The following PRKG1 variants were observed in gnomAD, a reference collection of about 807,000 sequenced individuals.
PRKG1 encodes the protein cGMP-dependent protein kinase 1.
A neutral mutation model predicts 88.1 loss-of-function variants in PRKG1; 35 were observed. The observed-to-expected ratio is 0.40, with a 90% CI of 0.30 to 0.53. The LOEUF (loss-of-function observed/expected upper bound fraction) is 0.53, where lower values mean the gene tolerates loss of function less well. Among genes scored for constraint, PRKG1 ranks in the 20% least tolerant of loss-of-function variants. The pLI is 0.59. For missense variants in PRKG1, 540 were observed against 839.8 expected (o/e 0.64, Z 4.41); for synonymous variants, 303 against 292.5 (o/e 1.04, Z -0.37).
At chr10:51,225,108 C>T (rs1838655799) in intron 2 of PRKG1, among the ~76,000 whole-genome samples, 1 of 152,182 alleles carries the variant, frequency 6.6e-6, no homozygotes, top group African/African-American at 2.4e-5. Context: ...TTATAAACAA[C>T]AGAAATTTAT....
At chr10:51,542,951 T>TG (rs1224431430) in intron 3 of PRKG1, among the ~76,000 whole-genome samples, 2 of 152,172 alleles carry the variant, frequency 1.3e-5, no homozygotes, top group African/African-American at 4.8e-5. Flanking sequence ...CATAGGAACG[T>TG]GGGGGACATT....
chr10:52,109,537 T>G (rs536932709), intron 7 of PRKG1, among the ~76,000 whole-genome samples: 1 of 152,020 alleles, frequency 6.6e-6, no homozygotes, highest in South Asian at 2.1e-4. Flanking sequence ...GAGGCCGAGG[T>G]GGGCAGATCA....
intron 5 of PRKG1, among the ~76,000 whole-genome samples, chr10:52,043,435 G>A (rs553584790): frequency 6.6e-6 from 1 of 152,080 alleles, no homozygotes; most frequent in Non-Finnish European, 1.5e-5. Flanking sequence ...TAAATCTGGA[G>A]GACATTAAGT....
intron 2 of PRKG1, among the ~76,000 whole-genome samples, chr10:51,312,831 G>C (rs1050496627): frequency 6.6e-6 from 1 of 152,066 alleles, no homozygotes; most frequent in Non-Finnish European, 1.5e-5. Flanking sequence ...CACTGTAAAA[G>C]CTTATTCTTT....
intron 2 of PRKG1, among the ~76,000 whole-genome samples, chr10:51,335,527 T>C (rs1424533345): frequency 6.6e-6 from 1 of 152,138 alleles, no homozygotes; most frequent in Non-Finnish European, 1.5e-5. Context: ...TTTAAATTCA[T>C]TTATGCTACA....
Position 52,290,301 on chromosome 10 carries a change from T to C in PRKG1, c.1962+11T>C. The C allele has an allele frequency of 6.3e-7, 1 of 1,592,956 alleles. No homozygotes were observed. The highest frequency in any genetic ancestry group is 8.6e-7 in the Non-Finnish European group (1 of 1,163,188). On this transcript the variant is annotated intron_variant, in intron 17 of 17. Coordinates refer to ENST00000373980, the MANE Select transcript of PRKG1 (RefSeq NM_006258.4). ...CCTATAATACCAAGTGTAAGTAGAC[T>C]TTCCAGCTTATAATTGTGTGACATA...
intron 4 of PRKG1, among the ~76,000 whole-genome samples, chr10:51,851,179 GAGAAATTAACAGC>G (rs1445844355): frequency 1.3e-5 from 2 of 152,060 alleles, no homozygotes; most frequent in African/African-American, 4.8e-5. Context: ...TGAATAAGAG[GAGAAATTAACAGC>G]ATGTATTCAT....
At chr10:51,310,072 A>G (rs1354725490) in intron 2 of PRKG1, among the ~76,000 whole-genome samples, 2 of 152,160 alleles carry the variant, frequency 1.3e-5, no homozygotes, top group African/African-American at 4.8e-5. Context: ...GTGTAGAATA[A>G]TAGGCATTGG....
intron 3 of PRKG1, among the ~76,000 whole-genome samples, chr10:51,511,997 G>A (rs1162404548): frequency 6.6e-6 from 1 of 152,002 alleles, no homozygotes; most frequent in East Asian, 1.9e-4. Context: ...CTAAAAAATA[G>A]ATATTGAGCA....
rs1285073483 is a variant in PRKG1 at position 52,257,541 on chromosome 10, G to A, written c.1173+5875G>A. On this transcript the variant is annotated intron_variant, in intron 10 of 17. Transcript: ENST00000373980. ...GGAGATCTTTGGGCAGTATTGCCATGTGTACCCACGGTGATTTATGCTACA... is the reference window on the plus strand; with the variant it reads ...GGAGATCTTTGGGCAGTATTGCCATATGTACCCACGGTGATTTATGCTACA... 2.1e-5 allele frequency among the ~76,000 whole-genome samples: 3 copies of A among 139,628 alleles called. 1 individual carries two copies. The highest frequency in any genetic ancestry group is 4.9e-5 in the Non-Finnish European group (3 of 61,736). 91.6% of individuals were successfully genotyped at this position (139,628 alleles called of 152,430 possible).
chr10:52,014,383 AC>A, intron 5 of PRKG1, among the ~76,000 whole-genome samples: 1 of 152,158 alleles, frequency 6.6e-6, no homozygotes, highest in East Asian at 1.9e-4. Flanking sequence ...TCCCATGAGA[AC>A]TCATGCACTA....
intron 5 of PRKG1, among the ~76,000 whole-genome samples, chr10:52,035,847 G>A (rs1367268802): frequency 9.8e-5 from 15 of 152,290 alleles, no homozygotes; most frequent in African/African-American, 2.6e-4. Flanking sequence ...AGCGGGAGCC[G>A]CTGCACGCAG....
intron 3 of PRKG1, among the ~76,000 whole-genome samples, chr10:51,566,539 A>G (rs59888669): frequency 6.6e-6 from 1 of 152,140 alleles, no homozygotes; most frequent in African/African-American, 2.4e-5. Flanking sequence ...GTGAGTTTAT[A>G]TTTTTGAAAA....
At chr10:51,734,822 T>A (rs899751374) in intron 3 of PRKG1, among the ~76,000 whole-genome samples, 4 of 152,184 alleles carry the variant, frequency 2.6e-5, no homozygotes, top group African/African-American at 9.6e-5. Flanking sequence ...TTCAGTCTTA[T>A]CTGAAAATGG....
chr10:51,186,743 T>A (rs1335964891), intron 2 of PRKG1, among the ~76,000 whole-genome samples: 1 of 151,842 alleles, frequency 6.6e-6, no homozygotes, highest in African/African-American at 2.4e-5. Flanking sequence ...ATTAATTAGC[T>A]GTATGTCTGC....
At chr10:51,778,396 A>G (rs1838496974) in intron 3 of PRKG1, among the ~76,000 whole-genome samples, 1 of 152,166 alleles carries the variant, frequency 6.6e-6, no homozygotes, top group Admixed American at 6.5e-5. Flanking sequence ...AGTGCTACTG[A>G]CCAGCAGCAG....
chr10:51,257,816 A>G (rs1188575313), intron 2 of PRKG1, among the ~76,000 whole-genome samples: 1 of 152,212 alleles, frequency 6.6e-6, no homozygotes, highest in African/African-American at 2.4e-5. Context: ...CCCTAGAATC[A>G]GGGGCAGTGA....
At chr10:51,977,205 G>T (rs1843859804) in intron 5 of PRKG1, among the ~76,000 whole-genome samples, 1 of 151,922 alleles carries the variant, frequency 6.6e-6, no homozygotes, top group Admixed American at 6.6e-5. Context: ...TTATAAGTGG[G>T]AACAAACATG....
At chr10:51,708,383 T>C (rs1371211782) in intron 3 of PRKG1, among the ~76,000 whole-genome samples, 1 of 152,156 alleles carries the variant, frequency 6.6e-6, no homozygotes, top group African/African-American at 2.4e-5. Context: ...GGCTTCAACA[T>C]ATGAATTTTG....
Sources: allele counts gnomAD v4.1 joint callset (sites outside exome capture counted in the v4.1 genomes callset), GRCh38; gene constraint gnomAD v4.1.1; transcripts MANE v1.5; gene names NCBI Gene and HGNC (gene_info 2026-07-23, HGNC 2026-07-21).